Variants in SHANK2 observed in about 807,000 individuals in gnomAD.
The protein encoded by SHANK2 is SH3 and multiple ankyrin repeat domains 2.
Under a neutral mutation model 133.7 loss-of-function variants are expected in SHANK2, and 43 were observed. That is an observed-to-expected ratio of 0.32 (90% CI 0.25 to 0.41). SHANK2 has a LOEUF of 0.41. Among genes scored for constraint, SHANK2 ranks in the 10% least tolerant of loss-of-function variants. SHANK2 has a pLI of 1.00. For missense variants in SHANK2, 1,994 were observed against 2,235.8 expected (o/e 0.89, Z 2.18); for synonymous variants, 1,017 against 952.8 (o/e 1.07, Z -1.24).
chr11:71,231,912 A>C (rs1375083189), intron 1 of SHANK2, among the ~76,000 whole-genome samples: 1 of 151,994 alleles, frequency 6.6e-6, no homozygotes, highest in Admixed American at 6.6e-5. Context: ...AGACAAAGAA[A>C]CCTATACACT....
chr11:70,788,295 C>T (rs1947713201), intron 14 of SHANK2, among the ~76,000 whole-genome samples: 1 of 152,224 alleles, frequency 6.6e-6, no homozygotes, highest in Non-Finnish European at 1.5e-5. Context: ...CTTGTGACTT[C>T]AGCAGCTTCC....
intron 18 of SHANK2, 55 bp downstream of exon 18, chr11:70,502,741 A>AGC: frequency 5.2e-6 from 2 of 381,842 alleles, no homozygotes; most frequent in East Asian, 1.8e-4. Context: ...GCCCGCCCCC[A>AGC]CCCCCCCCCC....
intron 3 of SHANK2, among the ~76,000 whole-genome samples, chr11:71,145,743 C>T (rs1359151911): frequency 6.6e-6 from 1 of 152,218 alleles, no homozygotes; most frequent in African/African-American, 2.4e-5. Flanking sequence ...CAGCATGATG[C>T]TTCCCCGATC....
intron 11 of SHANK2, among the ~76,000 whole-genome samples, chr11:70,838,409 TGTCGGAGAGACTCTAG>T (rs1170085925): frequency 1.3e-5 from 2 of 152,226 alleles, no homozygotes; most frequent in African/African-American, 4.8e-5. Flanking sequence ...GTGTTTGTTA[TGTCGGAGAGACTCTAG>T]GTTCTGTTAT....
intron 10 of SHANK2, among the ~76,000 whole-genome samples, chr11:70,942,425 C>T (rs1950660908): frequency 6.6e-6 from 1 of 152,096 alleles, no homozygotes; most frequent in East Asian, 1.9e-4. Flanking sequence ...CTAATCCCAT[C>T]TAGAGAGTGA....
At chr11:71,080,772 C>T (rs975481405) in intron 8 of SHANK2, among the ~76,000 whole-genome samples, 1 of 152,208 alleles carries the variant, frequency 6.6e-6, no homozygotes, top group Non-Finnish European at 1.5e-5. Flanking sequence ...AGCAAATCCC[C>T]CTCGCATGGC....
chr11:71,180,902 G>A (rs1004453830), intron 2 of SHANK2, among the ~76,000 whole-genome samples: 1 of 152,006 alleles, frequency 6.6e-6, no homozygotes, highest in Admixed American at 6.6e-5. Context: ...ACGAGGCACA[G>A]CCCCGTCCGG....
At chr11:70,661,974 G>A (rs1944556251) in intron 15 of SHANK2, 2 of 660,370 alleles carry the variant, frequency 3.0e-6, no homozygotes, top group Non-Finnish European at 5.3e-6. Flanking sequence ...AGGGATGGCT[G>A]AGCTGGAGGC....
At chr11:70,794,874 T>A (rs148950884) in intron 14 of SHANK2, among the ~76,000 whole-genome samples, 11 of 152,318 alleles carry the variant, frequency 7.2e-5, no homozygotes, top group African/African-American at 2.4e-4. Flanking sequence ...AAGGGTTTAA[T>A]ATCTTATTTG....
chr11:70,632,985 A>T (rs115232233), intron 17 of SHANK2, among the ~76,000 whole-genome samples: 1 of 152,170 alleles, frequency 6.6e-6, no homozygotes, highest in African/African-American at 2.4e-5. Flanking sequence ...GGACAAGGAC[A>T]GGCGCAGGTG....
intron 17 of SHANK2, among the ~76,000 whole-genome samples, chr11:70,636,823 T>A (rs2134128866): frequency 6.6e-6 from 1 of 152,210 alleles, no homozygotes; most frequent in African/African-American, 2.4e-5. Context: ...TGGGCATGTG[T>A]GAGAACTTGT....
chr11:70,881,782 T>A (rs993923103), intron 11 of SHANK2, among the ~76,000 whole-genome samples: 1 of 151,542 alleles, frequency 6.6e-6, no homozygotes, highest in Non-Finnish European at 1.5e-5. Context: ...CAGGCTACAG[T>A]GCCGTGGCCC....
intron 3 of SHANK2, among the ~76,000 whole-genome samples, chr11:71,140,000 C>A (rs552928422): frequency 6.6e-4 from 100 of 152,284 alleles, no homozygotes; most frequent in African/African-American, 2.3e-3. Flanking sequence ...TCCCAGTGGA[C>A]GGGCACTGGG....
intron 10 of SHANK2, among the ~76,000 whole-genome samples, chr11:70,932,330 C>G (rs7946528): frequency 0.36 from 55,111 of 152,158 alleles, 14,365 homozygotes; most frequent in African/African-American, 0.74. Context: ...ATAAAGCAAG[C>G]CCTCATCTTA....
rs983948727 is a variant in SHANK2 at position 70,899,287 on chromosome 11, G to A, written c.1108-2720C>T. On this transcript the variant is annotated intron_variant, in intron 10 of 25. Coordinates refer to ENST00000601538, the MANE Select transcript of SHANK2 (RefSeq NM_012309.5). Reference sequence around the variant, plus strand: ...TGAGTGAGTTCTCATGAGATCTGACGGTTTTATAAGTGTCTGGCATTTCCC... The same window carrying A: ...TGAGTGAGTTCTCATGAGATCTGACAGTTTTATAAGTGTCTGGCATTTCCC... Among the ~76,000 whole-genome samples, 5 of 152,102 alleles carry A rather than the reference G, an allele frequency of 3.3e-5. No homozygotes were observed. The South Asian group carries it at 6.2e-4, about 19-fold the overall frequency.
intron 10 of SHANK2, among the ~76,000 whole-genome samples, chr11:70,934,246 C>CA (rs11411212): frequency 0.72 from 82,173 of 113,918 alleles, 28,455 homozygotes; most frequent in East Asian, 0.84. Flanking sequence ...ACAACACCAC[C>CA]AAAAAAAAAA....
chr11:71,123,792 A>C (rs1952120360), intron 3 of SHANK2, among the ~76,000 whole-genome samples: 1 of 152,194 alleles, frequency 6.6e-6, no homozygotes. Flanking sequence ...AGTGTATAGG[A>C]AGTCCCAACC....
At chr11:71,215,462 G>A (rs528063185) in intron 2 of SHANK2, among the ~76,000 whole-genome samples, 13 of 152,308 alleles carry the variant, frequency 8.5e-5, no homozygotes, top group East Asian at 7.7e-4. Context: ...CAGAGGCACC[G>A]AGGGAGCTTC....
intron 3 of SHANK2, among the ~76,000 whole-genome samples, chr11:71,139,624 G>A (rs1952515193): frequency 6.6e-6 from 1 of 152,208 alleles, no homozygotes; most frequent in Non-Finnish European, 1.5e-5. Context: ...AGTTTGTATT[G>A]ATTTTGGCAC....
Sources: gnomAD v4.1 joint callset for allele counts (sites outside exome capture counted in the v4.1 genomes callset) on GRCh38, gnomAD v4.1.1 for gene constraint, MANE v1.5 for transcripts, NCBI Gene and HGNC (gene_info 2026-07-23, HGNC 2026-07-21) for gene names.